Variants in ALMS1 observed in about 807,000 individuals in gnomAD.
ALMS1 encodes the protein ALMS1 centrosome and basal body associated protein.
A neutral mutation model predicts 352.2 loss-of-function variants in ALMS1; 271 were observed. The observed-to-expected ratio is 0.77, with a 90% confidence interval of 0.70 to 0.85. The LOEUF is 0.85. ALMS1 is among the 40% of genes least tolerant of loss of function. The pLI, the probability that ALMS1 is intolerant of heterozygous loss-of-function variation, is 0.00. For synonymous variants in ALMS1, 1,865 were observed against 1,761.2 expected, an observed-to-expected ratio of 1.06 and a Z score of -1.48; for missense variants, 5,445 against 4,870.7, an observed-to-expected ratio of 1.12 and a Z score of -3.51.
chr2:73,474,156 T>A (rs1471553791), intron 9 of ALMS1, among the ~76,000 whole-genome samples: 3 of 152,096 alleles, frequency 2.0e-5, no homozygotes, highest in Non-Finnish European at 2.9e-5. Flanking sequence ...TTTTTAAATC[T>A]GGTTTTGAAG....
At chr2:73,410,346 G>A (rs1384882260) in intron 2 of ALMS1, among the ~76,000 whole-genome samples, 4 of 151,978 alleles carry the variant, frequency 2.6e-5, no homozygotes, top group Admixed American at 6.6e-5. Context: ...CTGAGGTTGC[G>A]CCACTGCACT....
rs375121795 is a variant in ALMS1 at position 73,489,829 on chromosome 2, G to C, written c.7870G>C (p.Ala2624Pro). 1 of 1,614,128 alleles carries C rather than the reference G, an allele frequency of 6.2e-7. No homozygotes were observed. ...ACGGCAGAACCCATCATCATGCAGAGCCAAGCATGTCAACCTTTCTGCATC... is the reference window on the plus strand; with the variant it reads ...ACGGCAGAACCCATCATCATGCAGACCCAAGCATGTCAACCTTTCTGCATC... The part of the protein sequence containing the change: ...RGRQNPSSCR[A>P]KHVNLSASLD... Residue 2624 changes from alanine to proline, a missense_variant, in exon 10 of 23, where the codon GCC becomes CCC. Coordinates refer to ENST00000613296, the MANE Select transcript of ALMS1 (RefSeq NM_001378454.1).
At chr2:73,437,479 T>C (rs1671626166) in intron 7 of ALMS1, among the ~76,000 whole-genome samples, 1 of 152,184 alleles carries the variant, frequency 6.6e-6, no homozygotes, top group Admixed American at 6.5e-5. Flanking sequence ...GGTTGCTTCT[T>C]GTGTTGTTTC....
chr2:73,544,529 A>T (rs1484102615), intron 12 of ALMS1, among the ~76,000 whole-genome samples: 1 of 152,182 alleles, frequency 6.6e-6, no homozygotes, highest in African/African-American at 2.4e-5. Flanking sequence ...AAATAAATAA[A>T]TAAAAAAGCA....
chr2:73,563,722 C>CAA (rs1170434973), intron 15 of ALMS1, among the ~76,000 whole-genome samples: 7 of 52,218 alleles, frequency 1.3e-4, no homozygotes, highest in South Asian at 5.9e-4. Context: ...GACTCCATCT[C>CAA]AAAAAAAAAA....
At chr2:73,516,577 T>C (rs1673560873) in intron 10 of ALMS1, among the ~76,000 whole-genome samples, 1 of 152,198 alleles carries the variant, frequency 6.6e-6, no homozygotes, top group South Asian at 2.1e-4. Flanking sequence ...AGATCTTTGG[T>C]TTTTCAACAA....
chr2:73,495,126 G>A (rs1673077018), intron 10 of ALMS1, among the ~76,000 whole-genome samples: 1 of 152,128 alleles, frequency 6.6e-6, no homozygotes, highest in Non-Finnish European at 1.5e-5. Flanking sequence ...TGTTGCTCAA[G>A]TTCTCTTTTT....
At position 73,419,178 on chromosome 2, in the gene ALMS1, A is replaced by C; in HGVS notation, c.506A>C (p.Asp169Ala). 6.2e-7 allele frequency: 1 copy of C among 1,614,084 alleles called. No individual in the cohort carries two copies. The highest frequency in any genetic ancestry group is 8.5e-7 in the Non-Finnish European group (1 of 1,179,950). Reference sequence around the variant, plus strand: ...GAAATGGACTCTTCCCAAACCTTGGATACATCCCAGACTAGGTTTAATGTG... The same window carrying C: ...GAAATGGACTCTTCCCAAACCTTGGCTACATCCCAGACTAGGTTTAATGTG... ...PQEMDSSQTL[D>A]TSQTRFNVRT... Residue 169 changes from aspartate to alanine, a missense_variant, in exon 3 of 23, where the codon GAT becomes GCT. Transcript: ENST00000613296.
chr2:73,513,938 C>T lies in ALMS1; in HGVS notation c.9540-5837C>T, dbSNP rs112216981. ...TGTCACTCCATTTGCTACAGATTCC[C>T]GCCTTGTTCTGCCTACCTAATGGTT... On this transcript the variant is annotated intron_variant, in intron 10 of 22. Coordinates refer to ENST00000613296, the MANE Select transcript of ALMS1 (RefSeq NM_001378454.1). Among the ~76,000 whole-genome samples, 526 of 152,232 alleles carry T rather than the reference C, an allele frequency of 3.5e-3. 2 individuals are homozygous for T. Among genetic ancestry groups the T allele is most frequent in the African/African-American group, 0.012 (502 of 41,522 alleles).
chr2:73,521,824 G>A (rs1209833681), intron 11 of ALMS1, among the ~76,000 whole-genome samples: 3 of 151,954 alleles, frequency 2.0e-5, no homozygotes, highest in Admixed American at 2.0e-4. Context: ...CATGATTTAT[G>A]GTTCATATAA....
intron 11 of ALMS1, among the ~76,000 whole-genome samples, chr2:73,528,119 A>G (rs1053070867): frequency 1.3e-5 from 2 of 152,334 alleles, no homozygotes; most frequent in African/African-American, 4.8e-5. Flanking sequence ...ATGACTTGAT[A>G]TAATTACAAT....
chr2:73,558,891 C>T, intron 14 of ALMS1, 81 bp from the exon 15 acceptor site: 1 of 1,442,424 alleles, frequency 6.9e-7, no homozygotes, highest in South Asian at 1.2e-5. Flanking sequence ...AAGCCTTTCA[C>T]ATAATACGTA....
At chr2:73,496,202 C>A (rs1231620185) in intron 10 of ALMS1, among the ~76,000 whole-genome samples, 1 of 152,182 alleles carries the variant, frequency 6.6e-6, no homozygotes, top group Non-Finnish European at 1.5e-5. Context: ...ATGAGCAGTT[C>A]CATCAATCCC....
In ALMS1 at chr2:73,449,582, G is replaced by A; in HGVS notation, c.3055G>A (p.Asp1019Asn). 6.2e-7 allele frequency: 1 copy of A among 1,614,040 alleles called. No individual in the cohort carries two copies. Among genetic ancestry groups the A allele is most frequent in the Non-Finnish European group, 8.5e-7 (1 of 1,179,966 alleles). Residue 1019 changes from aspartate (D) to asparagine (N), a missense_variant, in exon 8 of 23, where the codon GAT (aspartate) becomes AAT (asparagine). Asp to Asn is a conservative substitution (Grantham distance 23). Transcript: ENST00000613296. ...TATTTTCTATCAACAGGAGTGGCCA[G>A]ATAGTTATGCAACTGAAAAGGCTCT... is the stretch of plus-strand genomic sequence containing the variant. ...PSIFYQQEWPDSYATEKALKV... is the reference protein window; with the variant it reads ...PSIFYQQEWPNSYATEKALKV...
chr2:73,386,778 A>G (rs1460746165), intron 1 of ALMS1, among the ~76,000 whole-genome samples: 1 of 152,186 alleles, frequency 6.6e-6, no homozygotes, highest in Non-Finnish European at 1.5e-5. Flanking sequence ...CTGCAAAACT[A>G]CAAAGCACAG....
In ALMS1 at chr2:73,600,825, T is replaced by G; in HGVS notation, c.11816T>G (p.Phe3939Cys). ...GAAAAACGTGAAGAGAAAATGCTCT[T>G]TACCGGTTATCCTGAGGACAGAAAG... Reference protein sequence around the residue: ...SEEKREEKMLFTGYPEDRKLK... With the variant: ...SEEKREEKMLCTGYPEDRKLK... The change falls in exon 18 of 23, where the codon TTT becomes TGT. Residue 3939 changes from phenylalanine (F) to cysteine (C), a missense_variant. Transcript: ENST00000613296. 1.2e-6 allele frequency: 2 copies of G among 1,614,222 alleles called. No individual in the cohort carries two copies. The highest frequency in any genetic ancestry group is 2.2e-5 in the South Asian group (2 of 91,084).
intron 11 of ALMS1, among the ~76,000 whole-genome samples, chr2:73,532,831 T>A (rs1673949832): frequency 6.6e-6 from 1 of 152,190 alleles, no homozygotes; most frequent in East Asian, 1.9e-4. Context: ...AGCTGGGAAA[T>A]GTGCTGGGTC....
chr2:73,407,797 ATCC>A (rs1250932035), intron 1 of ALMS1, among the ~76,000 whole-genome samples: 2 of 152,118 alleles, frequency 1.3e-5, no homozygotes, highest in African/African-American at 4.8e-5. Context: ...ACCTCAGGTA[ATCC>A]TCCTGCCTTG....
At chr2:73,488,453 G>A (rs1189200463) in intron 9 of ALMS1, among the ~76,000 whole-genome samples, 1 of 152,202 alleles carries the variant, frequency 6.6e-6, no homozygotes, top group Non-Finnish European at 1.5e-5. Flanking sequence ...TGCAGGGGCA[G>A]GGGGAGTTCC....
Sources: allele counts gnomAD v4.1 joint callset (sites outside exome capture counted in the v4.1 genomes callset), GRCh38; gene constraint gnomAD v4.1.1; transcripts MANE v1.5; gene names NCBI Gene and HGNC (gene_info 2026-07-23, HGNC 2026-07-21).